GRID2: variants seen among roughly 807,000 people sequenced by gnomAD.
GRID2 encodes the protein glutamate ionotropic receptor delta type subunit 2, also known as glutamate receptor ionotropic, delta-2.
A neutral mutation model predicts 114.8 loss-of-function variants in GRID2; 33 were observed. The observed-to-expected ratio is 0.29, with a 90% CI of 0.22 to 0.38. The LOEUF is 0.38. Ranked by LOEUF, GRID2 falls within the 10% of genes least tolerant of loss-of-function variation. The pLI, the probability that GRID2 is intolerant of heterozygous loss-of-function variation, is 1.00. For missense variants in GRID2, 1,184 were observed against 1,257.7 expected (o/e 0.94, Z 0.89); for synonymous variants, 505 against 449.9 (o/e 1.12, Z -1.55).
intron 4 of GRID2, among the ~76,000 whole-genome samples, chr4:93,185,259 T>A (rs926318639): frequency 6.6e-6 from 1 of 152,204 alleles, no homozygotes; most frequent in Admixed American, 6.5e-5. Context: ...GTCCTCTATG[T>A]GGTAAGAAAT....
At chr4:92,815,914 CAAAAAAAAAAAA>C (rs5860292) in intron 2 of GRID2, among the ~76,000 whole-genome samples, 1 of 46,864 alleles carries the variant, frequency 2.1e-5, no homozygotes, top group Non-Finnish European at 3.6e-5. Flanking sequence ...GACCCTGTCT[CAAAAAAAAAAAA>C]AAAAAAAAAA....
chr4:93,670,149 C>A (rs921182875), intron 14 of GRID2, among the ~76,000 whole-genome samples: 1 of 152,052 alleles, frequency 6.6e-6, no homozygotes, highest in Non-Finnish European at 1.5e-5. Context: ...AGGATTCTTT[C>A]TTTGCACTAG....
In GRID2 at chr4:93,490,445, C is replaced by T. The variant is rs535994876; in HGVS notation, c.1859-194C>T. Among the ~76,000 whole-genome samples the T allele has an allele frequency of 2.6e-5, 4 of 151,864 alleles. No individual in the cohort carries two copies. The East Asian group carries it at 7.8e-4, about 30-fold the overall frequency. On this transcript the variant is annotated intron_variant, in intron 11 of 15. Transcript: ENST00000282020. ...GTTATACTAAATATTTATCATGCTT[C>T]TTTTGGCTGGGTCTTTCATAATCTC... is the stretch of plus-strand genomic sequence containing the variant.
intron 2 of GRID2, among the ~76,000 whole-genome samples, chr4:92,800,927 G>A (rs1740130882): frequency 6.6e-6 from 1 of 151,936 alleles, no homozygotes; most frequent in African/African-American, 2.4e-5. Flanking sequence ...GTCTTGCTCA[G>A]TTACTTAAGC....
At chr4:93,401,210 A>G (rs1047306191) in intron 9 of GRID2, among the ~76,000 whole-genome samples, 2 of 139,772 alleles carry the variant, frequency 1.4e-5, no homozygotes, top group African/African-American at 6.3e-5. Flanking sequence ...AATACACAAT[A>G]GAGCATTTTT....
intron 13 of GRID2, among the ~76,000 whole-genome samples, chr4:93,533,010 T>C (rs1731608206): frequency 1.3e-5 from 2 of 152,188 alleles, no homozygotes; most frequent in Non-Finnish European, 2.9e-5. Flanking sequence ...CAGTTGCGTG[T>C]GCTGGGAGAG....
intron 4 of GRID2, among the ~76,000 whole-genome samples, chr4:93,117,355 A>G (rs1359149934): frequency 6.6e-6 from 1 of 152,092 alleles, no homozygotes; most frequent in Non-Finnish European, 1.5e-5. Context: ...CAAGGGATAA[A>G]TATCAGCTTT....
In GRID2 at chr4:93,744,474, A is replaced by G. The variant is rs137887747; in HGVS notation, c.2361-24736A>G. Among the ~76,000 whole-genome samples the G allele has an allele frequency of 2.2e-4, 33 of 152,268 alleles. No homozygotes were observed. In the East Asian group the frequency reaches 4.2e-3, roughly 20 times the overall value. On this transcript the variant is annotated intron_variant, in intron 14 of 15. Transcript: ENST00000282020. ...ATGGATAACTTTGAGGGAGTTTAAGACTTTATTGGAGGAAGTAACTGCAGA... is the reference window on the plus strand; with the variant it reads ...ATGGATAACTTTGAGGGAGTTTAAGGCTTTATTGGAGGAAGTAACTGCAGA...
At chr4:93,723,883 A>G (rs1261045661) in intron 14 of GRID2, among the ~76,000 whole-genome samples, 1 of 152,206 alleles carries the variant, frequency 6.6e-6, no homozygotes, top group East Asian at 1.9e-4. Context: ...CTGGTAACCA[A>G]TTAAAGGCAG....
intron 1 of GRID2, among the ~76,000 whole-genome samples, chr4:92,573,781 AC>A (rs1727741275): frequency 6.6e-6 from 1 of 152,128 alleles, no homozygotes; most frequent in South Asian, 2.1e-4. Context: ...AGAAGAATGT[AC>A]ATTCCATTGC....
At chr4:93,724,933 C>A (rs1334273355) in intron 14 of GRID2, among the ~76,000 whole-genome samples, 1 of 151,872 alleles carries the variant, frequency 6.6e-6, no homozygotes, top group South Asian at 2.1e-4. Flanking sequence ...GTGTGCACCA[C>A]CATGCCCAGC....
At chr4:93,536,937 T>C (rs764989626) in intron 13 of GRID2, among the ~76,000 whole-genome samples, 2 of 151,710 alleles carry the variant, frequency 1.3e-5, no homozygotes, top group Admixed American at 6.6e-5. Flanking sequence ...TTTCTTCCTT[T>C]GTCATTGGTG....
intron 13 of GRID2, among the ~76,000 whole-genome samples, chr4:93,581,988 G>T (rs1164256471): frequency 2.0e-5 from 3 of 152,078 alleles, no homozygotes; most frequent in Non-Finnish European, 4.4e-5. Context: ...GAAAGTCTCT[G>T]CATATTTTGT....
intron 2 of GRID2, among the ~76,000 whole-genome samples, chr4:92,959,842 T>C (rs1421827191): frequency 6.6e-6 from 1 of 151,900 alleles, no homozygotes; most frequent in African/African-American, 2.4e-5. Context: ...CATCTCACAC[T>C]GGGGCCTATT....
intron 9 of GRID2, among the ~76,000 whole-genome samples, chr4:93,403,328 G>C (rs544899201): frequency 6.6e-6 from 1 of 152,144 alleles, no homozygotes; most frequent in African/African-American, 2.4e-5. Context: ...AGTTCCCACA[G>C]TTTCACTTCT....
chr4:93,455,582 TCCTCGAGG>T, intron 10 of GRID2, 72 bp from the exon 11 acceptor site: 34 of 867,208 alleles, frequency 3.9e-5, no homozygotes, highest in Middle Eastern at 2.3e-4. Context: ...TATTTTTTTT[TCCTCGAGG>T]CAAGCTGAAG....
intron 2 of GRID2, among the ~76,000 whole-genome samples, chr4:92,861,608 A>G (rs1744538939): frequency 6.6e-6 from 1 of 152,026 alleles, no homozygotes; most frequent in Non-Finnish European, 1.5e-5. Flanking sequence ...TTTTTAAGCG[A>G]TAGGCATGGT....
intron 11 of GRID2, among the ~76,000 whole-genome samples, chr4:93,488,761 G>A (rs1166054416): frequency 6.6e-6 from 1 of 151,914 alleles, no homozygotes; most frequent in Non-Finnish European, 1.5e-5. Flanking sequence ...GCCTCCTGAG[G>A]CCTCTCCCCT....
chr4:92,528,112 A>T (rs1414608468), intron 1 of GRID2, among the ~76,000 whole-genome samples: 2 of 151,974 alleles, frequency 1.3e-5, no homozygotes, highest in Non-Finnish European at 2.9e-5. Context: ...GTAAAACTTG[A>T]GATAGCATCA....
Sources: allele counts gnomAD v4.1 joint callset (sites outside exome capture counted in the v4.1 genomes callset), GRCh38; gene constraint gnomAD v4.1.1; transcripts MANE v1.5; gene names NCBI Gene and HGNC (gene_info 2026-07-23, HGNC 2026-07-21).